The following SEC31A variants were observed in gnomAD, a reference collection of about 807,000 sequenced individuals.
SEC31A encodes the protein SEC31 homolog A, COPII component, also known as protein transport protein Sec31A.
In SEC31A, 70 loss-of-function variants were observed where a neutral mutation model predicts 151.0. The observed-to-expected ratio is 0.46, with a 90% confidence interval of 0.38 to 0.57. SEC31A has a LOEUF of 0.57. Ranked by LOEUF, SEC31A falls within the 20% of genes least tolerant of loss-of-function variation. The pLI, the probability that SEC31A is intolerant of heterozygous loss-of-function variation, is 0.00. For missense variants in SEC31A, 1,330 were observed against 1,471.2 expected (o/e 0.90, Z 1.57); for synonymous variants, 475 against 505.9 (o/e 0.94, Z 0.82).
chr4:82,849,789 TAG>T (rs1731100483), intron 19 of SEC31A, among the ~76,000 whole-genome samples: 1 of 152,046 alleles, frequency 6.6e-6, no homozygotes, highest in Non-Finnish European at 1.5e-5. Context: ...TCTACATGCA[TAG>T]AGACTTACAA....
At chr4:82,841,640 T>C (rs1728894674) in intron 22 of SEC31A, among the ~76,000 whole-genome samples, 1 of 144,962 alleles carries the variant, frequency 6.9e-6, no homozygotes, top group Non-Finnish European at 1.5e-5. Context: ...GACTGGGTCT[T>C]AAAAAAAACA....
intron 22 of SEC31A, among the ~76,000 whole-genome samples, chr4:82,840,551 TAC>T: frequency 6.6e-6 from 1 of 152,352 alleles, no homozygotes; most frequent in East Asian, 1.9e-4. Context: ...TTTAATATTA[TAC>T]AGTCATGTGT....
intron 10 of SEC31A, among the ~76,000 whole-genome samples, chr4:82,865,520 G>A (rs1042337025): frequency 8.6e-6 from 1 of 116,576 alleles, no homozygotes; most frequent in Non-Finnish European, 1.9e-5. Flanking sequence ...CAAATGAATG[G>A]ATAAAAAAAA....
At chr4:82,870,199 G>T in intron 8 of SEC31A, 126 bp downstream of exon 8, 1 of 637,696 alleles carries the variant, frequency 1.6e-6, no homozygotes, top group Non-Finnish European at 2.7e-6. Context: ...AATAAACACT[G>T]CACACACACG....
intron 11 of SEC31A, among the ~76,000 whole-genome samples, 198 bp from the exon 12 acceptor site, chr4:82,863,590 G>C (rs6535406): frequency 0.45 from 68,599 of 151,692 alleles, 18,126 homozygotes; most frequent in Admixed American, 0.6. Context: ...GAGGTCCTGA[G>C]AACATGTGCC....
At chr4:82,827,755 A>C in intron 23 of SEC31A, 123 bp from the exon 24 acceptor site, 1 of 891,078 alleles carries the variant, frequency 1.1e-6, no homozygotes, top group Non-Finnish European at 1.7e-6. Context: ...ATAGTAGTAG[A>C]ATACTTTTTT....
chr4:82,848,838 A>C lies in SEC31A; in HGVS notation c.2468T>G (p.Met823Arg). 1 of 1,613,958 alleles carries C rather than the reference A, an allele frequency of 6.2e-7. No homozygotes were observed. ...RPGPVAGHHQ[M>R]PRVQTQQYYP... ...ATATTGTTGAGTTTGAACTCTTGGC[A>C]TCTGGTGGTGGCCAGCAACTGGTCC... is the stretch of plus-strand genomic sequence containing the variant. The change falls in exon 20 of 27, where the codon ATG (methionine) becomes AGG (arginine). Residue 823 changes from methionine (M) to arginine (R), a missense_variant. Met to Arg is a moderately conservative substitution (Grantham distance 91). Coordinates refer to ENST00000395310, the MANE Select transcript of SEC31A (RefSeq NM_001077207.4).
chr4:82,869,021 C>A (rs1578316869), intron 8 of SEC31A, among the ~76,000 whole-genome samples: 1 of 152,226 alleles, frequency 6.6e-6, no homozygotes, highest in South Asian at 2.1e-4. Context: ...AGCCTGCTCA[C>A]GTCTTTGGTA....
In SEC31A at chr4:82,891,133, C is replaced by G; in HGVS notation, c.-50G>C. On this transcript the variant is annotated 5_prime_UTR_variant, in exon 1 of 27. Transcript: ENST00000395310. Reference sequence around the variant, plus strand: ...CCGGATCCTGCGTTAGTGCAGCGCTCGTCGGACTCTCCCAGCATTCGCCGC... The same window carrying G: ...CCGGATCCTGCGTTAGTGCAGCGCTGGTCGGACTCTCCCAGCATTCGCCGC... The G allele has an allele frequency of 6.5e-7, 1 of 1,535,938 alleles. No individual in the cohort carries two copies. Among genetic ancestry groups the G allele is most frequent in the Non-Finnish European group, 8.7e-7 (1 of 1,146,792 alleles).
chr4:82,861,905 CTTTT>C lies in SEC31A; in HGVS notation c.1549-201_1549-198del, dbSNP rs33968103. On this transcript the variant is annotated intron_variant, in intron 13 of 26. Coordinates refer to ENST00000395310, the MANE Select transcript of SEC31A (RefSeq NM_001077207.4). ...CTATTACTGCTAACACTTTCCCATT[CTTTT>C]TTTTTTTTTTTTTTTTTTTTTTGAG... 768 of 89,542 alleles carry C rather than the reference CTTTT, an allele frequency of 8.6e-3. 5 individuals carry two copies. Among genetic ancestry groups the C allele is most frequent in the African/African-American group, 0.032 (694 of 21,932 alleles). The allele number at this position is 89,542 out of a possible 1,614,324, so 5.5% of individuals were successfully genotyped here.
chr4:82,844,524 C>T lies in SEC31A; in HGVS notation c.2503-15G>A. On this transcript the variant is annotated splice_polypyrimidine_tract_variant and intron_variant, in intron 20 of 26. Coordinates refer to ENST00000395310, the MANE Select transcript of SEC31A (RefSeq NM_001077207.4). ...GGATTTTCTCCCTAAGAAACAAGAACATGGTAAGAAGGCGGATACAAGTAG... is the reference window on the plus strand; with the variant it reads ...GGATTTTCTCCCTAAGAAACAAGAATATGGTAAGAAGGCGGATACAAGTAG... 6.2e-7 allele frequency: 1 copy of T among 1,612,020 alleles called. No homozygotes were observed. Among genetic ancestry groups the T allele is most frequent in the Non-Finnish European group, 8.5e-7 (1 of 1,178,372 alleles).
intron 2 of SEC31A, among the ~76,000 whole-genome samples, chr4:82,881,602 C>T (rs565426609): frequency 2.2e-4 from 33 of 152,068 alleles, no homozygotes; most frequent in African/African-American, 7.7e-4. Context: ...TTTTTACATG[C>T]CATCTATTGT....
chr4:82,877,648 A>C (rs2125781424), intron 4 of SEC31A: 1 of 152,336 alleles, frequency 6.6e-6, no homozygotes, highest in South Asian at 2.1e-4. Flanking sequence ...ATGTTTATGA[A>C]GGCAACAGTA....
Position 82,863,401 on chromosome 4 carries a change from A to G in SEC31A, c.1435-9T>C. On this transcript the variant is annotated splice_polypyrimidine_tract_variant and intron_variant, in intron 11 of 26. Coordinates refer to ENST00000395310, the MANE Select transcript of SEC31A (RefSeq NM_001077207.4). ...TCATCCTCAAAGTTTACCTTTAAAAAAAAAGACATATTCTTAAAACAAAGA... is the reference window on the plus strand; with the variant it reads ...TCATCCTCAAAGTTTACCTTTAAAAGAAAAGACATATTCTTAAAACAAAGA... 2 of 1,527,370 alleles carry G rather than the reference A, an allele frequency of 1.3e-6. No homozygotes were observed. The highest frequency in any genetic ancestry group is 1.8e-6 in the Non-Finnish European group (2 of 1,135,896). The allele number at this position is 1,527,370 out of a possible 1,614,324, so 94.6% of individuals were successfully genotyped here.
At chr4:82,890,953 G>A in intron 1 of SEC31A, 135 bp downstream of exon 1, 1 of 1,444,332 alleles carries the variant, frequency 6.9e-7, no homozygotes, top group Middle Eastern at 1.8e-4. Flanking sequence ...GACTAGGGGC[G>A]CGCCGTCACC....
At chr4:82,861,047 TAC>T in intron 14 of SEC31A, among the ~76,000 whole-genome samples, 1 of 150,574 alleles carries the variant, frequency 6.6e-6, no homozygotes, top group Non-Finnish European at 1.5e-5. Context: ...AAAAGTAAAT[TAC>T]AGATTTGTTC....
At chr4:82,875,330 T>C (rs1737664755) in intron 5 of SEC31A, among the ~76,000 whole-genome samples, 1 of 152,218 alleles carries the variant, frequency 6.6e-6, no homozygotes, top group Admixed American at 6.5e-5. Flanking sequence ...AGGTATTTAT[T>C]TTAAACCTTG....
intron 17 of SEC31A, 49 bp from the exon 18 acceptor site, chr4:82,853,764 A>T: frequency 6.8e-7 from 1 of 1,460,676 alleles, no homozygotes; most frequent in Non-Finnish European, 9.3e-7. Context: ...GGCAATCTGT[A>T]TATGAGGCTG....
intron 24 of SEC31A, among the ~76,000 whole-genome samples, chr4:82,826,983 T>C (rs977168675): frequency 2.0e-5 from 3 of 152,250 alleles, no homozygotes; most frequent in African/African-American, 7.2e-5. Context: ...GCTGTATTAT[T>C]AGCTTTTATA....
Sources: gnomAD v4.1 joint callset for allele counts (sites outside exome capture counted in the v4.1 genomes callset) on GRCh38, gnomAD v4.1.1 for gene constraint, MANE v1.5 for transcripts, NCBI Gene and HGNC (gene_info 2026-07-23, HGNC 2026-07-21) for gene names.